Variants in DLGAP2 observed in about 807,000 individuals in gnomAD.
DLGAP2 encodes the protein disks large-associated protein 2.
A neutral mutation model predicts 100.3 loss-of-function variants in DLGAP2; 26 were observed. The observed-to-expected ratio is 0.26, with a 90% CI of 0.19 to 0.36. The LOEUF (loss-of-function observed/expected upper bound fraction) is 0.36. Ranked by LOEUF, DLGAP2 falls within the 10% of genes least tolerant of loss-of-function variation. The pLI is 1.00. For synonymous variants in DLGAP2, 886 were observed against 630.1 expected (o/e 1.41, Z -6.08); for missense variants, 1,858 against 1,453.2 (o/e 1.28, Z -4.53).
At chr8:1,407,713 G>T (rs368288441) in intron 3 of DLGAP2, among the ~76,000 whole-genome samples, 2 of 116,492 alleles carry the variant, frequency 1.7e-5, no homozygotes, top group Admixed American at 8.4e-5. Flanking sequence ...CCAGAGTCGT[G>T]TATTGAGTGC....
At chr8:1,522,977 T>C (rs998597977) in intron 4 of DLGAP2, among the ~76,000 whole-genome samples, 2 of 152,188 alleles carry the variant, frequency 1.3e-5, no homozygotes, top group Non-Finnish European at 2.9e-5. Context: ...GCATTACCCT[T>C]TGCTCTTCAC....
At chr8:795,904 C>G (rs77892509) in intron 1 of DLGAP2, among the ~76,000 whole-genome samples, 467 of 20,896 alleles carry the variant, frequency 0.022, 85 homozygotes, top group South Asian at 0.043. Flanking sequence ...GTGAGAGCAG[C>G]TGTCCAGTGA....
rs200946945 is a variant in DLGAP2, at chr8:1,170,211, C to G, written c.74-88640C>G. Reference sequence around the variant, plus strand: ...TATTGATTTGCGTATATTGAACCAGCCTTGCATCCCAGGGATGAAGCCCAC... The same window carrying G: ...TATTGATTTGCGTATATTGAACCAGGCTTGCATCCCAGGGATGAAGCCCAC... On this transcript the variant is annotated intron_variant, in intron 2 of 14. Coordinates refer to ENST00000637795, the MANE Select transcript of DLGAP2 (RefSeq NM_001346810.2). 6.8e-4 allele frequency among the ~76,000 whole-genome samples: 104 copies of G among 152,190 alleles called. 2 individuals carry two copies. The highest frequency in any genetic ancestry group is 6.1e-3 in the Admixed American group (94 of 15,288).
chr8:1,253,401 C>T (rs747604682), intron 2 of DLGAP2, among the ~76,000 whole-genome samples: 1 of 152,198 alleles, frequency 6.6e-6, no homozygotes, highest in Non-Finnish European at 1.5e-5. Context: ...CTGCGGAGGC[C>T]GACTCCATGC....
At chr8:1,060,612 C>T (rs1467506378) in intron 2 of DLGAP2, among the ~76,000 whole-genome samples, 5 of 152,144 alleles carry the variant, frequency 3.3e-5, no homozygotes, top group African/African-American at 9.7e-5. Flanking sequence ...TAATCACATC[C>T]GTAAAGACCT....
At chr8:1,501,204 T>C (rs759046750) in intron 3 of DLGAP2, among the ~76,000 whole-genome samples, 162 bp from the exon 4 acceptor site, 28 of 152,210 alleles carry the variant, frequency 1.8e-4, no homozygotes, top group Non-Finnish European at 4.1e-4. Flanking sequence ...CCTGAGGTTA[T>C]TGGCACAAAA....
rs188379340 is a variant in DLGAP2 at position 1,566,061 on chromosome 8, C to T, written c.1442+167C>T. 2.6e-5 allele frequency among the ~76,000 whole-genome samples: 4 copies of T among 152,260 alleles called. No homozygotes were observed. In the East Asian group the frequency reaches 7.7e-4, roughly 29 times the overall value. The stretch of plus-strand genomic sequence containing the variant: ...AATTTTCAAGTATTTTTTTAAAGAA[C>T]AACCAGAGCTTTTGTTATTTATCAA... On this transcript the variant is annotated intron_variant, in intron 6 of 14. Coordinates refer to ENST00000637795, the MANE Select transcript of DLGAP2 (RefSeq NM_001346810.2).
At chr8:890,027 G>T (rs1284335075) in intron 1 of DLGAP2, among the ~76,000 whole-genome samples, 1 of 151,988 alleles carries the variant, frequency 6.6e-6, no homozygotes, top group Non-Finnish European at 1.5e-5. Flanking sequence ...GTGTTTCTCG[G>T]GTGGCCCCCT....
At chr8:738,052 C>G (rs1344449909) in intron 1 of DLGAP2, 4 of 288,844 alleles carry the variant, frequency 1.4e-5, no homozygotes, top group Non-Finnish European at 2.6e-5. Flanking sequence ...TCCGCGCATC[C>G]CTGGCCGCGC....
intron 2 of DLGAP2, among the ~76,000 whole-genome samples, chr8:969,357 G>A (rs1403333495): frequency 6.6e-6 from 1 of 152,124 alleles, no homozygotes; most frequent in Admixed American, 6.5e-5. Context: ...CCATGCGCGA[G>A]TGAGCCAATC....
At chr8:1,357,827 G>C (rs1801891720) in intron 3 of DLGAP2, among the ~76,000 whole-genome samples, 1 of 152,264 alleles carries the variant, frequency 6.6e-6, no homozygotes, top group Non-Finnish European at 1.5e-5. Flanking sequence ...CAGGGCTGTG[G>C]GCCTCAGAGC....
intron 2 of DLGAP2, among the ~76,000 whole-genome samples, chr8:1,255,130 CGGGCGCTG>C (rs1799162492): frequency 9.1e-6 from 1 of 109,532 alleles, no homozygotes; most frequent in African/African-American, 3.8e-5. Flanking sequence ...CTCTCCTGCC[CGGGCGCTG>C]AGTGTGTGTC....
intron 3 of DLGAP2, among the ~76,000 whole-genome samples, chr8:1,316,144 G>C (rs1340560764): frequency 2.6e-5 from 3 of 116,138 alleles, no homozygotes; most frequent in African/African-American, 6.3e-5. Flanking sequence ...CGAGTGCAGC[G>C]TCTCCCCAAC....
intron 3 of DLGAP2, among the ~76,000 whole-genome samples, chr8:1,336,645 T>C (rs1308532470): frequency 6.6e-6 from 1 of 152,136 alleles, no homozygotes; most frequent in Non-Finnish European, 1.5e-5. Flanking sequence ...CCGATGCATC[T>C]GGAACAGGCT....
chr8:1,175,063 T>G (rs146235393), intron 2 of DLGAP2, among the ~76,000 whole-genome samples: 158 of 152,326 alleles, frequency 1.0e-3, no homozygotes, highest in African/African-American at 3.7e-3. Flanking sequence ...AAATTTAGTT[T>G]TCCAATAAAA....
intron 5 of DLGAP2, among the ~76,000 whole-genome samples, chr8:1,561,487 A>G (rs1802159847): frequency 6.6e-6 from 1 of 152,092 alleles, no homozygotes; most frequent in Non-Finnish European, 1.5e-5. Flanking sequence ...GCCTCTTGGA[A>G]TCTGGGTGGA....
chr8:1,373,275 C>A (rs1802292948), intron 3 of DLGAP2, among the ~76,000 whole-genome samples: 1 of 151,900 alleles, frequency 6.6e-6, no homozygotes, highest in Non-Finnish European at 1.5e-5. Context: ...CACGCGCGTG[C>A]GGCCCGGAGG....
chr8:781,048 G>A (rs1021187508), intron 1 of DLGAP2, among the ~76,000 whole-genome samples: 6 of 152,162 alleles, frequency 3.9e-5, no homozygotes, highest in African/African-American at 1.4e-4. Flanking sequence ...CTTTGTTTCA[G>A]CCCAGGCATG....
chr8:855,919 C>G (rs996171156), intron 1 of DLGAP2, among the ~76,000 whole-genome samples: 3 of 152,078 alleles, frequency 2.0e-5, no homozygotes, highest in Non-Finnish European at 2.9e-5. Flanking sequence ...TAAAGAAAAT[C>G]TAACCACCCC....
Sources: gnomAD v4.1 joint callset for allele counts (sites outside exome capture counted in the v4.1 genomes callset) on GRCh38, gnomAD v4.1.1 for gene constraint, MANE v1.5 for transcripts, NCBI Gene and HGNC (gene_info 2026-07-23, HGNC 2026-07-21) for gene names.